PTPRD: variants seen among roughly 807,000 people sequenced by gnomAD.
PTPRD encodes the protein protein tyrosine phosphatase receptor type D, also known as receptor-type tyrosine-protein phosphatase delta.
In PTPRD, 34 loss-of-function variants were observed where a neutral mutation model predicts 214.5. The ratio of observed to expected loss-of-function variants is 0.16; its 90% CI spans 0.12 to 0.21. The LOEUF is 0.21. Among genes scored for constraint, PTPRD ranks in the 10% least tolerant of loss-of-function variants. PTPRD has a pLI of 1.00. For synonymous variants in PTPRD, 1,128 were observed against 845.7 expected (o/e 1.33, Z -5.79); for missense variants, 2,545 against 2,398.7 (o/e 1.06, Z -1.27).
At chr9:8,823,692 GGGAAA>G (rs777805415) in intron 11 of PTPRD, among the ~76,000 whole-genome samples, 25 of 151,634 alleles carry the variant, frequency 1.6e-4, no homozygotes, top group Non-Finnish European at 2.4e-4. Context: ...GGAAAGGAAA[GGGAAA>G]GGAAAGGAAA....
intron 8 of PTPRD, among the ~76,000 whole-genome samples, chr9:9,535,678 G>C (rs919093974): frequency 5.9e-5 from 9 of 152,048 alleles, no homozygotes; most frequent in Non-Finnish European, 8.8e-5. Flanking sequence ...AGAGTTTAAT[G>C]TGGAGAAACA....
intron 3 of PTPRD, among the ~76,000 whole-genome samples, chr9:10,230,036 T>C (rs996519329): frequency 6.6e-6 from 1 of 152,062 alleles, no homozygotes. Context: ...AGTTAGGCTC[T>C]TGATATTAAT....
At chr9:10,079,664 T>G (rs894259054) in intron 3 of PTPRD, among the ~76,000 whole-genome samples, 1 of 152,160 alleles carries the variant, frequency 6.6e-6, no homozygotes, top group African/African-American at 2.4e-5. Context: ...TTCAGTTGTT[T>G]CATCTGTTAA....
intron 5 of PTPRD, among the ~76,000 whole-genome samples, chr9:9,826,188 T>C (rs1000046068): frequency 3.3e-4 from 50 of 151,966 alleles, no homozygotes; most frequent in African/African-American, 1.2e-3. Flanking sequence ...CTTTCTAAAA[T>C]ATGACTTCCT....
intron 32 of PTPRD, among the ~76,000 whole-genome samples, chr9:8,461,719 T>C (rs913147571): frequency 5.9e-5 from 9 of 152,010 alleles, no homozygotes; most frequent in African/African-American, 1.9e-4. Context: ...TCTCTCAATT[T>C]TGAATTAAAC....
At chr9:10,067,898 T>A (rs1291026662) in intron 3 of PTPRD, among the ~76,000 whole-genome samples, 1 of 151,934 alleles carries the variant, frequency 6.6e-6, no homozygotes, top group Admixed American at 6.6e-5. Context: ...ACTCCCATTA[T>A]GGTCAATTTC....
intron 8 of PTPRD, among the ~76,000 whole-genome samples, chr9:9,545,466 T>C (rs1044229584): frequency 2.6e-5 from 4 of 151,930 alleles, no homozygotes; most frequent in African/African-American, 9.7e-5. Flanking sequence ...TCCATGTTTT[T>C]AAAATTCTAT....
intron 14 of PTPRD, among the ~76,000 whole-genome samples, chr9:8,603,239 C>T (rs1319243194): frequency 1.3e-5 from 2 of 149,162 alleles, no homozygotes; most frequent in African/African-American, 5.0e-5. Flanking sequence ...TTACTCTTTA[C>T]AGACATCAGC....
intron 10 of PTPRD, among the ~76,000 whole-genome samples, chr9:9,111,252 CTT>C (rs35720054): frequency 0.027 from 3,522 of 132,744 alleles, 97 homozygotes; most frequent in African/African-American, 0.066. Flanking sequence ...GTGGAAATAC[CTT>C]TTTTTTTTTT....
chr9:9,483,172 A>T (rs1213728433), intron 8 of PTPRD, among the ~76,000 whole-genome samples: 3 of 152,210 alleles, frequency 2.0e-5, no homozygotes, highest in Non-Finnish European at 4.4e-5. Flanking sequence ...CATGCATAGA[A>T]CATGACAGCA....
chr9:10,120,669 G>GA lies in PTPRD; in HGVS notation c.-544-86880dup, dbSNP rs34840418. 9.0e-3 allele frequency among the ~76,000 whole-genome samples: 1,358 copies of GA among 151,592 alleles called. 17 individuals are homozygous for GA. Among genetic ancestry groups the GA allele is most frequent in the African/African-American group, 0.031 (1,292 of 41,336 alleles). ...CATCCATCAATATTATATAAATTTT[G>GA]AAAAAAAATTTGCTTAAAAACATAA... On this transcript the variant is annotated intron_variant, in intron 3 of 45. Coordinates refer to ENST00000381196, the MANE Select transcript of PTPRD (RefSeq NM_002839.4).
At chr9:10,349,529 T>C (rs2097147169) in intron 2 of PTPRD, among the ~76,000 whole-genome samples, 1 of 152,142 alleles carries the variant, frequency 6.6e-6, no homozygotes, top group Non-Finnish European at 1.5e-5. Flanking sequence ...ACCTCTCTAT[T>C]TGATGTCCTG....
intron 3 of PTPRD, among the ~76,000 whole-genome samples, chr9:10,295,628 G>A (rs973025819): frequency 6.6e-6 from 1 of 152,012 alleles, no homozygotes; most frequent in Non-Finnish European, 1.5e-5. Context: ...TAGGCAGAAT[G>A]GTCCTTCAAT....
rs866902655 is a variant in PTPRD at position 8,586,165 on chromosome 9, C to T, written c.352+47152G>A. Among the ~76,000 whole-genome samples the T allele has an allele frequency of 6.6e-5, 10 of 152,038 alleles. 1 individual carries two copies. The highest frequency in any genetic ancestry group is 6.8e-3 in the Middle Eastern group (2 of 294). ...AAATACAAAAATTAGCTAGGCGTGG[C>T]GGCGTGTGCCTGTAATCCCAGCTAC... On this transcript the variant is annotated intron_variant, in intron 14 of 45. Coordinates refer to ENST00000381196, the MANE Select transcript of PTPRD (RefSeq NM_002839.4).
At chr9:9,334,965 G>C (rs1221218023) in intron 9 of PTPRD, among the ~76,000 whole-genome samples, 1 of 151,954 alleles carries the variant, frequency 6.6e-6, no homozygotes, top group Non-Finnish European at 1.5e-5. Context: ...AATTGGAAAT[G>C]TGATCTTATG....
At chr9:10,040,796 T>C (rs2097283651) in intron 3 of PTPRD, among the ~76,000 whole-genome samples, 1 of 152,092 alleles carries the variant, frequency 6.6e-6, no homozygotes. Flanking sequence ...ACCTCACTTT[T>C]AAAGGTACTT....
intron 11 of PTPRD, among the ~76,000 whole-genome samples, chr9:8,857,348 C>A (rs944355870): frequency 2.0e-4 from 30 of 152,176 alleles, no homozygotes; most frequent in Admixed American, 9.2e-4. Flanking sequence ...GAGGAGAGAG[C>A]GGGGGTCGCA....
At chr9:9,868,870 C>A (rs2064706334) in intron 5 of PTPRD, among the ~76,000 whole-genome samples, 1 of 151,964 alleles carries the variant, frequency 6.6e-6, no homozygotes, top group Non-Finnish European at 1.5e-5. Flanking sequence ...CTACAAACTC[C>A]TAAGAGAAAA....
intron 2 of PTPRD, among the ~76,000 whole-genome samples, chr9:10,495,846 CTAT>C (rs528737485): frequency 9.4e-4 from 143 of 151,580 alleles, no homozygotes; most frequent in African/African-American, 3.0e-3. Flanking sequence ...AATCTGTAGT[CTAT>C]TTTATTTAGC....
Sources: allele counts gnomAD v4.1 joint callset (sites outside exome capture counted in the v4.1 genomes callset), GRCh38; gene constraint gnomAD v4.1.1; transcripts MANE v1.5; gene names NCBI Gene and HGNC (gene_info 2026-07-23, HGNC 2026-07-21).